RPH3A: variants seen among roughly 807,000 people sequenced by gnomAD.
The protein encoded by RPH3A is rabphilin-3A.
RPH3A carries 48 observed loss-of-function variants against 102.2 expected under a neutral mutation model. The observed-to-expected ratio is 0.47, with a 90% CI of 0.37 to 0.60. RPH3A has a LOEUF of 0.60. Among genes scored for constraint, RPH3A ranks in the 20% least tolerant of loss-of-function variants. The pLI is 0.00. For synonymous variants in RPH3A, 310 were observed against 324.3 expected, an observed-to-expected ratio of 0.96 and a Z score of 0.47; for missense variants, 781 against 910.1, an observed-to-expected ratio of 0.86 and a Z score of 1.83.
At chr12:112,588,967 G>A (rs1236197256) in intron 1 of RPH3A, among the ~76,000 whole-genome samples, 1 of 152,120 alleles carries the variant, frequency 6.6e-6, no homozygotes, top group Non-Finnish European at 1.5e-5. Context: ...TCTGAAGGAT[G>A]GACAGAGATT....
chr12:112,679,082 G>T (rs1278325236), intron 1 of RPH3A, among the ~76,000 whole-genome samples: 2 of 152,088 alleles, frequency 1.3e-5, no homozygotes, highest in Non-Finnish European at 2.9e-5. Context: ...CTGTGTGTCT[G>T]TTCTCTCCTG....
chr12:112,684,217 G>T (rs2040246586), intron 1 of RPH3A, among the ~76,000 whole-genome samples: 1 of 152,032 alleles, frequency 6.6e-6, no homozygotes, highest in Non-Finnish European at 1.5e-5. Flanking sequence ...TTAGAATCCT[G>T]CCAAAAACAT....
chr12:112,828,247 C>T (rs1220068111), intron 2 of RPH3A, 54 bp from the exon 3 acceptor site: 2 of 1,229,990 alleles, frequency 1.6e-6, no homozygotes, highest in African/African-American at 1.5e-5. Context: ...GATTTGGGAA[C>T]TAAGGAGTGG....
intron 1 of RPH3A, among the ~76,000 whole-genome samples, chr12:112,782,428 G>A (rs976569772): frequency 6.6e-5 from 10 of 152,216 alleles, no homozygotes; most frequent in Non-Finnish European, 5.9e-5. Context: ...AATCTGGACT[G>A]GTGTAATCAG....
intron 1 of RPH3A, among the ~76,000 whole-genome samples, chr12:112,765,409 T>C (rs1163950821): frequency 6.6e-6 from 1 of 152,094 alleles, no homozygotes. Context: ...GTAGATTTGG[T>C]TAAGTAAAGA....
intron 1 of RPH3A, among the ~76,000 whole-genome samples, chr12:112,678,285 GAAAGAAAGAAAGAAAGAA>G (rs1228015056): frequency 0.014 from 1,151 of 80,712 alleles, 143 homozygotes; most frequent in African/African-American, 0.067. Flanking sequence ...AAGAAAGAAA[GAAAGAAAGAAAGAAAGAA>G]AGAGAGAGAG....
chr12:112,578,894 T>C (rs1041251303), intron 1 of RPH3A, among the ~76,000 whole-genome samples: 53 of 152,310 alleles, frequency 3.5e-4, no homozygotes, highest in African/African-American at 1.3e-3. Flanking sequence ...AATTACAGGT[T>C]CTATGTTACT....
chr12:112,887,902 C>T lies in RPH3A; in HGVS notation c.1542C>T (p.Ile514=). 6.2e-7 allele frequency: 1 copy of T among 1,613,812 alleles called. No individual in the cohort carries two copies. The highest frequency in any genetic ancestry group is 8.5e-7 in the Non-Finnish European group (1 of 1,179,726). ...LKPNQRKNFN[I]CLERVIPMKR... ...CCAACCAGAGGAAGAATTTCAACAT[C>T]TGCCTGGAGCGAGTGATTCCTGTGA... The change falls in exon 17 of 22, where the codon ATC becomes ATT. Residue 514 remains isoleucine (I), a synonymous_variant. Coordinates refer to ENST00000389385, the MANE Select transcript of RPH3A (RefSeq NM_001143854.2).
chr12:112,810,622 T>C (rs1184790950), intron 2 of RPH3A, among the ~76,000 whole-genome samples: 1 of 152,236 alleles, frequency 6.6e-6, no homozygotes, highest in African/African-American at 2.4e-5. Flanking sequence ...AAATGTACCG[T>C]TAGTTTCTTG....
At chr12:112,647,959 A>C (rs1252124418) in intron 1 of RPH3A, among the ~76,000 whole-genome samples, 1 of 152,238 alleles carries the variant, frequency 6.6e-6, no homozygotes. Context: ...TTAGAATATA[A>C]GACTCATTTT....
chr12:112,874,893 C>A (rs1419138175), intron 10 of RPH3A, 191 bp from the exon 11 acceptor site: 17 of 560,994 alleles, frequency 3.0e-5, no homozygotes, highest in Non-Finnish European at 5.0e-5. Context: ...CTGTGACTCA[C>A]CAGAGTCTGA....
At chr12:112,826,178 C>T (rs970642604) in intron 2 of RPH3A, among the ~76,000 whole-genome samples, 1 of 152,072 alleles carries the variant, frequency 6.6e-6, no homozygotes, top group Non-Finnish European at 1.5e-5. Context: ...TAAACCTACA[C>T]GAAGGGATAG....
Position 112,898,344 on chromosome 12 carries a change from A to G in RPH3A, c.*1564A>G, listed in dbSNP as rs558403931. On this transcript the variant is annotated 3_prime_UTR_variant, in exon 22 of 22. Transcript: ENST00000389385. ...CCCAATTTTGATGAAGTCTTCCCTC[A>G]TGAAAATCACTCCCAGTCATCCCAA... 4.6e-5 allele frequency: 7 copies of G among 152,320 alleles called. No individual in the cohort carries two copies. Among genetic ancestry groups the G allele is most frequent in the African/African-American group, 1.7e-4 (7 of 41,560 alleles). 9.4% of individuals were successfully genotyped at this position (152,320 alleles called of 1,614,324 possible).
At chr12:112,870,309 T>TTAA (rs1565932223) in intron 10 of RPH3A, among the ~76,000 whole-genome samples, 22 of 52,164 alleles carry the variant, frequency 4.2e-4, no homozygotes, top group African/African-American at 1.9e-3. Flanking sequence ...TCTCCCCGCC[T>TTAA]CAAAAAAAAA....
At chr12:112,611,015 G>T (rs182124881) in intron 1 of RPH3A, among the ~76,000 whole-genome samples, 2 of 152,326 alleles carry the variant, frequency 1.3e-5, no homozygotes, top group Admixed American at 1.3e-4. Flanking sequence ...TGAGGACAAA[G>T]ATTTCGTCAT....
chr12:112,653,042 A>G (rs7972924), intron 1 of RPH3A, among the ~76,000 whole-genome samples: 1,992 of 152,310 alleles, frequency 0.013, 59 homozygotes, highest in African/African-American at 0.046. Context: ...AGTTGTAAGT[A>G]TTTGTGTATC....
chr12:112,687,916 A>G (rs1477621086), intron 1 of RPH3A, among the ~76,000 whole-genome samples: 3 of 152,216 alleles, frequency 2.0e-5, no homozygotes, highest in Admixed American at 6.5e-5. Flanking sequence ...GAGTAGGAAT[A>G]TCTACTCCCT....
intron 15 of RPH3A, 75 bp downstream of exon 15, chr12:112,881,921 G>T: frequency 1.7e-6 from 2 of 1,155,194 alleles, no homozygotes; most frequent in East Asian, 2.5e-5. Context: ...TCAGCTCAGA[G>T]CCCAAAATAG....
chr12:112,627,116 G>A (rs1480328184), intron 1 of RPH3A, among the ~76,000 whole-genome samples: 13 of 138,338 alleles, frequency 9.4e-5, no homozygotes, highest in South Asian at 4.8e-4. Flanking sequence ...GCTAGATGAC[G>A]AGTTAGTGGG....
Sources: gnomAD v4.1 joint callset for allele counts (sites outside exome capture counted in the v4.1 genomes callset) on GRCh38, gnomAD v4.1.1 for gene constraint, MANE v1.5 for transcripts, NCBI Gene and HGNC (gene_info 2026-07-23, HGNC 2026-07-21) for gene names.